Variants in CCSER1 observed in about 807,000 individuals in gnomAD.
CCSER1 encodes the protein coiled-coil serine rich protein 1.
In CCSER1, 41 loss-of-function variants were observed where a neutral mutation model predicts 82.0. The observed-to-expected ratio is 0.50, with a 90% CI of 0.39 to 0.65. The LOEUF is 0.65. CCSER1 is among the 30% of genes least tolerant of loss of function. CCSER1 has a pLI of 0.00. For synonymous variants in CCSER1, 414 were observed against 383.9 expected, an observed-to-expected ratio of 1.08 and a Z score of -0.92; for missense variants, 1,119 against 1,064.2, an observed-to-expected ratio of 1.05 and a Z score of -0.72.
chr4:90,367,838 C>A (rs569463086), intron 3 of CCSER1, among the ~76,000 whole-genome samples: 1 of 151,738 alleles, frequency 6.6e-6, no homozygotes, highest in African/African-American at 2.4e-5. Context: ...TCCAAATGAG[C>A]ATGCTTGGGG....
intron 3 of CCSER1, among the ~76,000 whole-genome samples, chr4:90,395,968 C>T (rs1253672059): frequency 6.6e-6 from 1 of 151,708 alleles, no homozygotes; most frequent in East Asian, 1.9e-4. Context: ...GTAATCCCAG[C>T]TACTCTGGAG....
At chr4:91,379,233 C>G (rs944021785) in intron 10 of CCSER1, among the ~76,000 whole-genome samples, 2 of 152,082 alleles carry the variant, frequency 1.3e-5, no homozygotes, top group African/African-American at 4.8e-5. Flanking sequence ...GTGTCTCTGT[C>G]AGGCTTTGGT....
intron 5 of CCSER1, among the ~76,000 whole-genome samples, chr4:90,489,307 C>A (rs1031098679): frequency 6.6e-6 from 1 of 151,928 alleles, no homozygotes; most frequent in African/African-American, 2.4e-5. Flanking sequence ...ATCTTAGATA[C>A]CAATCTTATA....
At chr4:91,048,204 T>C (rs1742680954) in intron 9 of CCSER1, among the ~76,000 whole-genome samples, 1 of 152,032 alleles carries the variant, frequency 6.6e-6, no homozygotes. Context: ...GCAAGATAGA[T>C]GGCAGTGACT....
intron 4 of CCSER1, among the ~76,000 whole-genome samples, chr4:90,403,307 G>A (rs994947915): frequency 1.3e-5 from 2 of 151,120 alleles, no homozygotes; most frequent in Non-Finnish European, 1.5e-5. Flanking sequence ...AGACCATCCC[G>A]GCTAAAACGG....
At chr4:90,234,725 A>G (rs1428753587) in intron 1 of CCSER1, among the ~76,000 whole-genome samples, 2 of 152,174 alleles carry the variant, frequency 1.3e-5, no homozygotes, top group Admixed American at 1.3e-4. Context: ...TCACAATCAT[A>G]TTAGATGGGG....
Position 90,936,445 on chromosome 4 carries a change from A to G in CCSER1, c.2172+12998A>G, listed in dbSNP as rs1214969477. 2.6e-5 allele frequency among the ~76,000 whole-genome samples: 4 copies of G among 152,098 alleles called. No homozygotes were observed. The East Asian group carries it at 7.7e-4, about 29-fold the overall frequency. ...TTCCTTGCAGTTGTCTTCATGTTCT[A>G]CTTGCTTAAAATGACACAGATGGAT... On this transcript the variant is annotated intron_variant, in intron 9 of 10. Transcript: ENST00000509176.
chr4:90,539,479 C>A (rs1775834796), intron 5 of CCSER1, among the ~76,000 whole-genome samples: 2 of 151,982 alleles, frequency 1.3e-5, no homozygotes, highest in Non-Finnish European at 2.9e-5. Context: ...CTCATAAGAC[C>A]AAATACTGCT....
At chr4:90,850,439 G>A (rs1281054302) in intron 8 of CCSER1, among the ~76,000 whole-genome samples, 1 of 152,224 alleles carries the variant, frequency 6.6e-6, no homozygotes, top group Admixed American at 6.5e-5. Flanking sequence ...GAAACCAGCT[G>A]GGAGCTGGCC....
At chr4:90,462,700 A>G (rs947233261) in intron 4 of CCSER1, among the ~76,000 whole-genome samples, 13 of 152,316 alleles carry the variant, frequency 8.5e-5, no homozygotes, top group Middle Eastern at 3.4e-3. Flanking sequence ...GCACCTGTGA[A>G]TAGCCACCAG....
At chr4:90,901,244 G>A (rs34375703) in intron 8 of CCSER1, among the ~76,000 whole-genome samples, 2,179 of 150,822 alleles carry the variant, frequency 0.014, 19 homozygotes, top group Non-Finnish European at 0.022. Flanking sequence ...TTTTTAATCC[G>A]ATTTTCCATT....
chr4:90,246,927 G>A (rs1001377273), intron 1 of CCSER1, among the ~76,000 whole-genome samples: 2 of 151,374 alleles, frequency 1.3e-5, no homozygotes, highest in Non-Finnish European at 2.9e-5. Context: ...AACACTTTGC[G>A]GCTTCTCTTT....
chr4:91,415,736 A>C (rs1421101814), intron 10 of CCSER1, among the ~76,000 whole-genome samples: 1 of 152,114 alleles, frequency 6.6e-6, no homozygotes. Flanking sequence ...TGTTGAACCA[A>C]CCTTGCATTC....
intron 9 of CCSER1, among the ~76,000 whole-genome samples, chr4:91,032,475 C>A (rs1027840971): frequency 6.6e-6 from 1 of 152,100 alleles, no homozygotes; most frequent in Non-Finnish European, 1.5e-5. Context: ...TGTACGATTG[C>A]AGAAAAAGGA....
chr4:90,469,137 C>A (rs958389522), intron 5 of CCSER1, among the ~76,000 whole-genome samples: 1 of 151,880 alleles, frequency 6.6e-6, no homozygotes, highest in Admixed American at 6.6e-5. Context: ...AGGAGTAAGG[C>A]GGAAGATATA....
chr4:90,903,266 T>C (rs180719300), intron 8 of CCSER1, among the ~76,000 whole-genome samples: 2 of 152,242 alleles, frequency 1.3e-5, no homozygotes, highest in East Asian at 3.9e-4. Context: ...TTTCCCATGC[T>C]ATTCTCGTGG....
At chr4:91,219,308 CTTTTTTTTT>C (rs59884169) in intron 10 of CCSER1, among the ~76,000 whole-genome samples, 7 of 99,896 alleles carry the variant, frequency 7.0e-5, no homozygotes, top group African/African-American at 2.2e-4. Flanking sequence ...TACAGTTTGG[CTTTTTTTTT>C]TTTTTTTTTT....
At chr4:90,293,343 A>G (rs1429224401) in intron 1 of CCSER1, among the ~76,000 whole-genome samples, 1 of 151,686 alleles carries the variant, frequency 6.6e-6, no homozygotes, top group Non-Finnish European at 1.5e-5. Flanking sequence ...TGTTGTTTCA[A>G]GCTTTCAAGT....
intron 10 of CCSER1, among the ~76,000 whole-genome samples, chr4:91,215,590 T>C (rs1272446076): frequency 6.6e-6 from 1 of 152,184 alleles, no homozygotes; most frequent in Non-Finnish European, 1.5e-5. Flanking sequence ...CAGCCTAATC[T>C]TTCCATGTTC....
Sources: gnomAD v4.1 joint callset for allele counts (sites outside exome capture counted in the v4.1 genomes callset) on GRCh38, gnomAD v4.1.1 for gene constraint, MANE v1.5 for transcripts, NCBI Gene and HGNC (gene_info 2026-07-23, HGNC 2026-07-21) for gene names.